The following PIGS variants were observed in gnomAD, a reference collection of about 807,000 sequenced individuals.
PIGS encodes the protein phosphatidylinositol glycan anchor biosynthesis class S, also known as GPI-anchor transamidase component PIGS.
PIGS carries 37 observed loss-of-function variants against 58.2 expected under a neutral mutation model. The observed-to-expected ratio is 0.64, with a 90% CI of 0.49 to 0.84. The LOEUF (loss-of-function observed/expected upper bound fraction) is 0.84. Ranked by LOEUF, PIGS falls within the 40% of genes least tolerant of loss-of-function variation. The pLI, the probability that PIGS is intolerant of heterozygous loss-of-function variation, is 0.00. For synonymous variants in PIGS, 269 were observed against 289.2 expected (o/e 0.93, Z 0.71); for missense variants, 629 against 710.8 (o/e 0.88, Z 1.31).
intron 3 of PIGS, among the ~76,000 whole-genome samples, chr17:28,570,433 C>G (rs949495041): frequency 6.6e-6 from 1 of 152,226 alleles, no homozygotes; most frequent in Non-Finnish European, 1.5e-5. Context: ...ATCGCTTGAA[C>G]CCAGGAGGCA....
intron 3 of PIGS, among the ~76,000 whole-genome samples, chr17:28,566,271 C>CTTTTTTTTT (rs57310687): frequency 3.5e-4 from 34 of 97,628 alleles, no homozygotes; most frequent in East Asian, 6.4e-4. Context: ...TTTTTCTTTT[C>CTTTTTTTTT]TTTTTTTTTT....
At chr17:28,556,080 C>T (rs952553508) in intron 10 of PIGS, 86 bp downstream of exon 10, 3 of 1,290,738 alleles carry the variant, frequency 2.3e-6, no homozygotes, top group African/African-American at 2.9e-5. Context: ...CAAGATATCC[C>T]TGCCAGGTAA....
At chr17:28,564,264 C>T (rs2070382398) in intron 3 of PIGS, among the ~76,000 whole-genome samples, 1 of 152,106 alleles carries the variant, frequency 6.6e-6, no homozygotes, top group South Asian at 2.1e-4. Flanking sequence ...GTGAATGTTC[C>T]TGATAAAAAA....
In PIGS at chr17:28,559,900, C is replaced by T. The variant is rs1370241422; in HGVS notation, c.819+149G>A. On this transcript the variant is annotated intron_variant, in intron 7 of 11. Transcript: ENST00000308360. ...GACACAGACAAGGGCACACACGCAC[C>T]CCCAGTACCCACCCTTATGACACTC... 6.8e-6 allele frequency: 7 copies of T among 1,027,750 alleles called. 1 individual carries two copies. The highest frequency in any genetic ancestry group is 9.5e-6 in the Non-Finnish European group (7 of 739,104). 63.7% of individuals were successfully genotyped at this position (1,027,750 alleles called of 1,614,324 possible).
chr17:28,563,546 A>G, intron 4 of PIGS, 24 bp from the exon 5 acceptor site: 2 of 1,601,894 alleles, frequency 1.2e-6, no homozygotes, highest in Non-Finnish European at 1.7e-6. Flanking sequence ...CAGGTGGTAC[A>G]CCAAGAGCAA....
At position 28,561,439 on chromosome 17, in the gene PIGS, G is replaced by A; in HGVS notation, c.659C>T (p.Pro220Leu). 1 of 1,613,942 alleles carries A rather than the reference G, an allele frequency of 6.2e-7. No homozygotes were observed. The highest frequency in any genetic ancestry group is 8.5e-7 in the Non-Finnish European group (1 of 1,179,892). Residue 220 changes from proline (P) to leucine (L), a missense_variant, in exon 6 of 12, where the codon CCT (proline) becomes CTT (leucine). By Grantham distance (98) the Pro-to-Leu change is moderately conservative. Transcript: ENST00000308360. ...EDKWSAEKRR[P>L]LKSSLGYEIT... ...TGCCCTACCCAAGCTGGACTTGAGAGGCCGCCTCTTCTCAGCGCTCCACTT... is the reference window on the plus strand; with the variant it reads ...TGCCCTACCCAAGCTGGACTTGAGAAGCCGCCTCTTCTCAGCGCTCCACTT...
At position 28,558,512 on chromosome 17, in the gene PIGS, G is replaced by A; in HGVS notation, c.898C>T (p.Leu300Phe). Residue 300 changes from leucine (L) to phenylalanine (F), a missense_variant, in exon 8 of 12, where the codon CTC (leucine) becomes TTC (phenylalanine). Physicochemically the swap from Leu to Phe is conservative, Grantham distance 22 (BLOSUM62 0). Transcript: ENST00000308360. ...SSSYYLDMHS[L>F]PHVINPVESR... ...TCCACTGGGTTGATGACATGGGGGA[G>A]GCTGTGCATGTCCAAATAGTAGCTG... The A allele has an allele frequency of 6.2e-7, 1 of 1,613,282 alleles. No individual in the cohort carries two copies. Among genetic ancestry groups the A allele is most frequent in the South Asian group, 1.1e-5 (1 of 90,750 alleles).
In PIGS at chr17:28,563,842, C is replaced by A. The variant is rs1157381709; in HGVS notation, c.352G>T (p.Ala118Ser). 1 of 1,613,892 alleles carries A rather than the reference C, an allele frequency of 6.2e-7. No homozygotes were observed. The highest frequency in any genetic ancestry group is 1.3e-5 in the African/African-American group (1 of 74,904). Reference protein sequence around the residue: ...YRRALDHEEEALSSGSVQEAE... With the variant: ...YRRALDHEEESLSSGSVQEAE... Reference sequence around the variant, plus strand: ...CCTTGCACACTGCCCGATGACAGGGCCTCCTCCTCATGGTCCAAAGCCCTC... The same window carrying A: ...CCTTGCACACTGCCCGATGACAGGGACTCCTCCTCATGGTCCAAAGCCCTC... The change falls in exon 4 of 12, where the codon GCC (alanine) becomes TCC (serine). Residue 118 changes from alanine to serine, a missense_variant. By Grantham distance (99) the Ala-to-Ser change is moderately conservative. Transcript: ENST00000308360.
At position 28,561,480 on chromosome 17, in the gene PIGS, G is replaced by T; in HGVS notation, c.618C>A (p.Asp206Glu). ...TEDVLAAALA[D>E]HLPEDKWSAE... ...CGCTCCACTTGTCCTCTGGAAGGTG[G>T]TCAGCCAGAGCAGCAGCAAGCACAT... Residue 206 changes from aspartate to glutamate, a missense_variant, in exon 6 of 12, where the codon GAC becomes GAA. Physicochemically the swap from Asp to Glu is conservative, Grantham distance 45. Coordinates refer to ENST00000308360, the MANE Select transcript of PIGS (RefSeq NM_033198.4). 6.2e-7 allele frequency: 1 copy of T among 1,614,082 alleles called. No individual in the cohort carries two copies. Among genetic ancestry groups the T allele is most frequent in the Non-Finnish European group, 8.5e-7 (1 of 1,179,958 alleles).
chr17:28,554,553 G>T, intron 11 of PIGS, 58 bp from the exon 12 acceptor site: 1 of 1,564,058 alleles, frequency 6.4e-7, no homozygotes. Flanking sequence ...TGGTGGAAAG[G>T]GTGCTGGGCC....
At chr17:28,562,685 C>T (rs943177005) in intron 5 of PIGS, among the ~76,000 whole-genome samples, 1 of 151,950 alleles carries the variant, frequency 6.6e-6, no homozygotes, top group Admixed American at 6.5e-5. Flanking sequence ...CCGCCTGCCT[C>T]GGCCTCCCAA....
Position 28,571,500 on chromosome 17 carries a change from A to G in PIGS, c.-4T>C, listed in dbSNP as rs1033950948. ...CCGCAGCCCCGGCGGCCGCCATGCTAGCTTCCGGCTGCTCCGGCCACCGTG... is the reference window on the plus strand; with the variant it reads ...CCGCAGCCCCGGCGGCCGCCATGCTGGCTTCCGGCTGCTCCGGCCACCGTG... On this transcript the variant is annotated 5_prime_UTR_variant, in exon 1 of 12. Coordinates refer to ENST00000308360, the MANE Select transcript of PIGS (RefSeq NM_033198.4). 1.9e-6 allele frequency: 3 copies of G among 1,605,664 alleles called. No individual in the cohort carries two copies. Among genetic ancestry groups the G allele is most frequent in the Non-Finnish European group, 2.5e-6 (3 of 1,176,476 alleles).
chr17:28,571,008 C>CG (rs749194679), intron 2 of PIGS, 41 bp downstream of exon 2: 107 of 1,613,780 alleles, frequency 6.6e-5, no homozygotes, highest in Admixed American at 5.0e-4. Context: ...TCCACCTTGC[C>CG]GGGGGGGCTG....
chr17:28,559,335 A>G (rs894280060), intron 7 of PIGS, among the ~76,000 whole-genome samples: 1 of 151,722 alleles, frequency 6.6e-6, no homozygotes, highest in African/African-American at 2.4e-5. Flanking sequence ...TAAAAACTAA[A>G]TTCCTTAAGA....
At chr17:28,562,294 G>A (rs1337577034) in intron 5 of PIGS, among the ~76,000 whole-genome samples, 2 of 152,172 alleles carry the variant, frequency 1.3e-5, no homozygotes, top group Admixed American at 1.3e-4. Flanking sequence ...ACAAAATCTG[G>A]TTGCCTTGGG....
At position 28,563,830 on chromosome 17, in the gene PIGS, C is replaced by T. The variant is rs1257100160; in HGVS notation, c.364G>A (p.Gly122Ser). The change falls in exon 4 of 12, where the codon GGC becomes AGC. Residue 122 changes from glycine (G) to serine (S), a missense_variant. Coordinates refer to ENST00000308360, the MANE Select transcript of PIGS (RefSeq NM_033198.4). ...LDHEEEALSS[G>S]SVQEAEAMLD... Reference sequence around the variant, plus strand: ...TCCCTTCCCATACCTTGCACACTGCCCGATGACAGGGCCTCCTCCTCATGG... The same window carrying T: ...TCCCTTCCCATACCTTGCACACTGCTCGATGACAGGGCCTCCTCCTCATGG... The T allele has an allele frequency of 6.2e-7, 1 of 1,613,762 alleles. No individual in the cohort carries two copies. Among genetic ancestry groups the T allele is most frequent in the Non-Finnish European group, 8.5e-7 (1 of 1,179,662 alleles).
chr17:28,568,103 G>GTCTTTTT (rs1018785101), intron 3 of PIGS, among the ~76,000 whole-genome samples: 1 of 151,352 alleles, frequency 6.6e-6, no homozygotes. Flanking sequence ...TGACTTACTT[G>GTCTTTTT]TCTTTTTTTC....
At chr17:28,563,687 C>CCA in intron 4 of PIGS, 131 bp downstream of exon 4, 4 of 1,239,142 alleles carry the variant, frequency 3.2e-6, no homozygotes, top group Non-Finnish European at 4.7e-6. Context: ...GGGCTGAATC[C>CCA]CACAGTTCCT....
At chr17:28,570,185 A>G (rs2151514974) in intron 3 of PIGS, among the ~76,000 whole-genome samples, 1 of 152,270 alleles carries the variant, frequency 6.6e-6, no homozygotes, top group Non-Finnish European at 1.5e-5. Flanking sequence ...TTGGTACCTA[A>G]AAAAAAGTAC....
Sources: allele counts gnomAD v4.1 joint callset (sites outside exome capture counted in the v4.1 genomes callset), GRCh38; gene constraint gnomAD v4.1.1; transcripts MANE v1.5; gene names NCBI Gene and HGNC (gene_info 2026-07-23, HGNC 2026-07-21).